The following NRXN1 variants were observed in gnomAD, a reference collection of about 807,000 sequenced individuals.
NRXN1 encodes neurexin 1.
In NRXN1, 39 loss-of-function variants were observed where a neutral mutation model predicts 150.9. That is an observed-to-expected ratio of 0.26 (90% confidence interval 0.20 to 0.34). The LOEUF is 0.34. Among genes scored for constraint, NRXN1 ranks in the 10% least tolerant of loss-of-function variants. The pLI is 1.00. For synonymous variants in NRXN1, 924 were observed against 757.0 expected, an observed-to-expected ratio of 1.22 and a Z score of -3.62; for missense variants, 1,815 against 1,949.9, an observed-to-expected ratio of 0.93 and a Z score of 1.30.
At chr2:50,033,739 T>G (rs1467682992) in intron 21 of NRXN1, among the ~76,000 whole-genome samples, 3 of 151,438 alleles carry the variant, frequency 2.0e-5, no homozygotes, top group Admixed American at 6.6e-5. Context: ...CTGACAAAGG[T>G]CTAATGTCCA....
chr2:50,553,038 G>A lies in NRXN1; in HGVS notation c.1321-13C>T, dbSNP rs1308343053. On this transcript the variant is annotated splice_polypyrimidine_tract_variant and intron_variant, in intron 8 of 22. Coordinates refer to ENST00000401669, the MANE Select transcript of NRXN1 (RefSeq NM_001330078.2). ...TTTTATATACAACCTGTGGGCAGAG[G>A]ATAGCAGTGAGAAACTAGCCTCCAT... 3 of 1,566,194 alleles carry A rather than the reference G, an allele frequency of 1.9e-6. No homozygotes were observed. The highest frequency in any genetic ancestry group is 2.6e-6 in the Non-Finnish European group (3 of 1,154,872).
At chr2:50,263,933 C>T (rs574379765) in intron 17 of NRXN1, among the ~76,000 whole-genome samples, 2 of 152,210 alleles carry the variant, frequency 1.3e-5, no homozygotes, top group East Asian at 3.9e-4. Flanking sequence ...TAGCAAGTGA[C>T]ATCGTGTGAA....
intron 5 of NRXN1, among the ~76,000 whole-genome samples, chr2:50,653,517 T>C (rs961071886): frequency 6.6e-6 from 1 of 152,096 alleles, no homozygotes; most frequent in East Asian, 1.9e-4. Flanking sequence ...CAATTCACTA[T>C]GTCTAGAGAA....
chr2:50,957,232 G>A (rs1299357171), intron 2 of NRXN1, among the ~76,000 whole-genome samples: 1 of 152,028 alleles, frequency 6.6e-6, no homozygotes, highest in Non-Finnish European at 1.5e-5. Context: ...AGATAAACCT[G>A]GTTTCAAATT....
Position 50,801,718 on chromosome 2 carries a change from T to C in NRXN1, c.832+120151A>G, listed in dbSNP as rs371368007. Among the ~76,000 whole-genome samples, 12 of 152,304 alleles carry C rather than the reference T, an allele frequency of 7.9e-5. No homozygotes were observed. In the East Asian group the frequency reaches 2.1e-3, roughly 27 times the overall value. On this transcript the variant is annotated intron_variant, in intron 5 of 22. Transcript: ENST00000401669. The stretch of plus-strand genomic sequence containing the variant: ...TCTAGTTTTTGTATAATATTTATAT[T>C]TGTATTTTCATTATTTCAAGGCTGG...
intron 17 of NRXN1, among the ~76,000 whole-genome samples, chr2:50,386,577 C>A (rs2081342061): frequency 6.7e-6 from 1 of 150,332 alleles, no homozygotes; most frequent in African/African-American, 2.4e-5. Flanking sequence ...GCAATAGAAC[C>A]CCCAAATTGA....
chr2:50,073,960 T>A (rs530612462), intron 19 of NRXN1, among the ~76,000 whole-genome samples: 1 of 152,312 alleles, frequency 6.6e-6, no homozygotes, highest in African/African-American at 2.4e-5. Context: ...ATGCATTTTC[T>A]TTTTTAGTTT....
intron 5 of NRXN1, among the ~76,000 whole-genome samples, chr2:50,642,164 T>C (rs896576766): frequency 1.3e-5 from 2 of 152,056 alleles, no homozygotes; most frequent in Non-Finnish European, 2.9e-5. Flanking sequence ...AAGAAACATA[T>C]ATTAAAGACC....
At chr2:50,111,847 C>T (rs942973207) in intron 18 of NRXN1, among the ~76,000 whole-genome samples, 2 of 152,106 alleles carry the variant, frequency 1.3e-5, no homozygotes, top group East Asian at 1.9e-4. Context: ...TAACCATTCA[C>T]CTTTCAGCTA....
chr2:50,190,622 T>TC (rs2061383917), intron 18 of NRXN1, among the ~76,000 whole-genome samples: 2 of 150,954 alleles, frequency 1.3e-5, no homozygotes. Flanking sequence ...TCTTTTTTTT[T>TC]TTTTTTTGAG....
chr2:50,561,533 G>A (rs1669082588), intron 8 of NRXN1, among the ~76,000 whole-genome samples: 1 of 152,168 alleles, frequency 6.6e-6, no homozygotes. Flanking sequence ...GGGGACTTCA[G>A]TGTTCAGTGT....
intron 18 of NRXN1, among the ~76,000 whole-genome samples, chr2:50,203,953 A>G (rs1298558048): frequency 6.6e-6 from 1 of 152,182 alleles, no homozygotes; most frequent in Non-Finnish European, 1.5e-5. Context: ...TCCAAATCTG[A>G]GAGAAAAATT....
At position 50,697,477 on chromosome 2, in the gene NRXN1, G is replaced by C. The variant is rs571181450; in HGVS notation, c.833-73862C>G. ...CAGATAGAGAAATGGATTTTAATCAGACTGAAAGGAAAATTAATGTATTGG... is the reference window on the plus strand; with the variant it reads ...CAGATAGAGAAATGGATTTTAATCACACTGAAAGGAAAATTAATGTATTGG... On this transcript the variant is annotated intron_variant, in intron 5 of 22. Coordinates refer to ENST00000401669, the MANE Select transcript of NRXN1 (RefSeq NM_001330078.2). Among the ~76,000 whole-genome samples the C allele has an allele frequency of 1.4e-3, 216 of 152,284 alleles. 1 individual carries two copies. The highest frequency in any genetic ancestry group is 5.0e-3 in the African/African-American group (209 of 41,554).
At chr2:50,601,819 A>C (rs143983579) in intron 8 of NRXN1, among the ~76,000 whole-genome samples, 54 of 152,318 alleles carry the variant, frequency 3.5e-4, no homozygotes, top group Middle Eastern at 3.4e-3. Flanking sequence ...CCACTGCATA[A>C]GACAGGTCTG....
intron 5 of NRXN1, among the ~76,000 whole-genome samples, chr2:50,748,478 G>A (rs4971695): frequency 0.33 from 49,830 of 151,994 alleles, 9,095 homozygotes; most frequent in East Asian, 0.54. Context: ...TGTCATTAGC[G>A]TACAGCCTTT....
intron 2 of NRXN1, among the ~76,000 whole-genome samples, chr2:51,019,228 C>T (rs1218835329): frequency 2.6e-5 from 4 of 152,064 alleles, no homozygotes; most frequent in African/African-American, 4.8e-5. Context: ...CTGCCATTTA[C>T]GAGCTACTGA....
At position 50,064,540 on chromosome 2, in the gene NRXN1, C is replaced by T. The variant is rs576881504; in HGVS notation, c.3719-9496G>A. Among the ~76,000 whole-genome samples the T allele has an allele frequency of 4.6e-5, 7 of 151,866 alleles. 1 individual carries two copies. Among genetic ancestry groups the T allele is most frequent in the African/African-American group, 1.4e-4 (6 of 41,452 alleles). On this transcript the variant is annotated intron_variant, in intron 19 of 22. Transcript: ENST00000401669. ...TTCTCTAATGACTGTGTACAAGAAA[C>T]AGTCTTGGACTTGATGAACCTTCAA...
At chr2:49,935,129 T>A (rs779891558) in intron 22 of NRXN1, among the ~76,000 whole-genome samples, 1 of 152,238 alleles carries the variant, frequency 6.6e-6, no homozygotes, top group Non-Finnish European at 1.5e-5. Context: ...TGGTAGACTA[T>A]GTTAAGTGCT....
chr2:50,961,942 T>C (rs1228771667), intron 2 of NRXN1, among the ~76,000 whole-genome samples: 2 of 149,826 alleles, frequency 1.3e-5, no homozygotes, highest in Non-Finnish European at 3.0e-5. Flanking sequence ...CTGAGAATAA[T>C]TTCTGGACTA....
Sources: allele counts gnomAD v4.1 joint callset (sites outside exome capture counted in the v4.1 genomes callset), GRCh38; gene constraint gnomAD v4.1.1; transcripts MANE v1.5; gene names NCBI Gene and HGNC (gene_info 2026-07-23, HGNC 2026-07-21).